ELAVL1: variants seen among roughly 807,000 people sequenced by gnomAD.
ELAVL1 encodes the protein ELAV-like protein 1.
In ELAVL1, 1 loss-of-function variant was observed where a neutral mutation model predicts 28.4. That is an observed-to-expected ratio of 0.04 (90% CI 0.01 to 0.17). The LOEUF is 0.17. Ranked by LOEUF, ELAVL1 falls within the 10% of genes least tolerant of loss-of-function variation. The probability of loss-of-function intolerance (pLI) is 1.00; values close to 1 mark genes in which losing one functional copy is unlikely to be tolerated. For missense variants in ELAVL1, 157 were observed against 447.2 expected, an observed-to-expected ratio of 0.35 and a Z score of 5.85; for synonymous variants, 174 against 183.5, an observed-to-expected ratio of 0.95 and a Z score of 0.42.
At chr19:7,977,552 G>A (rs1985335246) in intron 3 of ELAVL1, among the ~76,000 whole-genome samples, 1 of 152,186 alleles carries the variant, frequency 6.6e-6, no homozygotes, top group Non-Finnish European at 1.5e-5. Context: ...ATCCCAGCAG[G>A]GACACTGAGC....
chr19:7,980,071 T>C (rs563138214), intron 3 of ELAVL1, among the ~76,000 whole-genome samples: 1 of 152,306 alleles, frequency 6.6e-6, no homozygotes, highest in Admixed American at 6.5e-5. Context: ...AGGGAGCACC[T>C]TTCTCTGGGG....
At chr19:7,973,588 G>T in intron 4 of ELAVL1, 137 bp downstream of exon 4, 2 of 1,124,364 alleles carry the variant, frequency 1.8e-6, no homozygotes, top group Non-Finnish European at 2.5e-6. Context: ...CAAAGCCAAC[G>T]TCTTCTCATT....
At chr19:7,998,446 G>A (rs2081056567) in intron 1 of ELAVL1, among the ~76,000 whole-genome samples, 1 of 152,176 alleles carries the variant, frequency 6.6e-6, no homozygotes, top group Non-Finnish European at 1.5e-5. Context: ...GCAGGGCCAG[G>A]CCTCAAGTTG....
intron 1 of ELAVL1, among the ~76,000 whole-genome samples, chr19:7,997,265 A>G (rs1333731192): frequency 2.6e-5 from 4 of 152,232 alleles, no homozygotes; most frequent in African/African-American, 9.6e-5. Flanking sequence ...GAGCGGCATT[A>G]TTCATAATCA....
In ELAVL1 at chr19:7,991,627, C is replaced by T. The variant is rs1479953612; in HGVS notation, c.172+17G>A. The T allele has an allele frequency of 1.9e-6, 3 of 1,601,182 alleles. No individual in the cohort carries two copies. The highest frequency in any genetic ancestry group is 2.2e-5 in the South Asian group (2 of 89,712). On this transcript the variant is annotated intron_variant, in intron 2 of 5. Transcript: ENST00000407627. ...GCCACCAATACCCGGTTTACTAAAA[C>T]GCCTCCATTTCTTTACCTGCTACTT...
At chr19:7,975,808 TAA>T (rs1985265575) in intron 3 of ELAVL1, among the ~76,000 whole-genome samples, 1 of 152,210 alleles carries the variant, frequency 6.6e-6, no homozygotes, top group Non-Finnish European at 1.5e-5. Flanking sequence ...GATGTCCTTA[TAA>T]AAGAGGGAAA....
At chr19:7,967,540 A>G (rs1984989307) in intron 5 of ELAVL1, 25 bp downstream of exon 5, 1 of 1,608,322 alleles carries the variant, frequency 6.2e-7, no homozygotes, top group Non-Finnish European at 8.5e-7. Flanking sequence ...TATGGCTTTC[A>G]GGAGCGCGCA....
chr19:8,000,539 C>T (rs996742550), intron 1 of ELAVL1, among the ~76,000 whole-genome samples: 5 of 152,224 alleles, frequency 3.3e-5, no homozygotes, highest in Non-Finnish European at 7.3e-5. Flanking sequence ...TGACACTTCA[C>T]ACATCATCTG....
At chr19:7,978,089 A>G (rs1243181096) in intron 3 of ELAVL1, among the ~76,000 whole-genome samples, 1 of 152,268 alleles carries the variant, frequency 6.6e-6, no homozygotes, top group Non-Finnish European at 1.5e-5. Context: ...AATGGTGGGC[A>G]CAACTGGGCT....
intron 2 of ELAVL1, among the ~76,000 whole-genome samples, chr19:7,983,402 T>C (rs137930985): frequency 6.6e-6 from 1 of 152,254 alleles, no homozygotes; most frequent in African/African-American, 2.4e-5. Flanking sequence ...TGCACCCCCT[T>C]TGTGACACAC....
chr19:7,988,051 G>C (rs776852744), intron 2 of ELAVL1, among the ~76,000 whole-genome samples: 2 of 152,206 alleles, frequency 1.3e-5, no homozygotes, highest in Non-Finnish European at 2.9e-5. Flanking sequence ...CGACAGTGCA[G>C]GCCACCAGCA....
rs915356381 is a variant in ELAVL1 at position 7,962,838 on chromosome 19, A to C, written c.*645T>G. 2 of 152,708 alleles carry C rather than the reference A, an allele frequency of 1.3e-5. No homozygotes were observed. The highest frequency in any genetic ancestry group is 2.9e-5 in the Non-Finnish European group (2 of 68,084). 9.5% of individuals were successfully genotyped at this position (152,708 alleles called of 1,614,324 possible). A position where few individuals can be genotyped will look rare whatever the true frequency, so the allele number is the denominator to read the frequency against. ...TCCCATTGGTGCCTGGGCTTACGAA[A>C]CACGTTTGTGTCCTTCTCTGGAGGG... On this transcript the variant is annotated 3_prime_UTR_variant, in exon 6 of 6. Transcript: ENST00000407627.
chr19:8,004,888 G>A (rs2081081571), intron 1 of ELAVL1, among the ~76,000 whole-genome samples: 1 of 152,096 alleles, frequency 6.6e-6, no homozygotes, highest in East Asian at 1.9e-4. Flanking sequence ...TTTCCAACAG[G>A]CACACACACA....
intron 3 of ELAVL1, among the ~76,000 whole-genome samples, chr19:7,974,538 T>TA: frequency 6.6e-6 from 1 of 152,272 alleles, no homozygotes; most frequent in Non-Finnish European, 1.5e-5. Flanking sequence ...AGACAAGGTC[T>TA]TCGGTGCTTT....
At position 7,987,120 on chromosome 19, in the gene ELAVL1, G is replaced by GC. The variant is rs1039354658; in HGVS notation, c.172+4523_172+4524insG. 1.1e-4 allele frequency among the ~76,000 whole-genome samples: 17 copies of GC among 149,926 alleles called. 1 individual carries two copies. Among genetic ancestry groups the GC allele is most frequent in the South Asian group, 4.3e-4 (2 of 4,644 alleles). On this transcript the variant is annotated intron_variant, in intron 2 of 5. Transcript: ENST00000407627. ...TAGAGCCTGACCGGGGGGTGCCGGG[G>GC]GGGGGGGAGGGTGCAGCAAGTGGGG...
At position 7,959,036 on chromosome 19, in the gene ELAVL1, A is replaced by G. The variant is rs1984732058; in HGVS notation, c.*4447T>C. 6.5e-6 allele frequency: 1 copy of G among 152,948 alleles called. No individual in the cohort carries two copies. The highest frequency in any genetic ancestry group is 2.4e-5 in the African/African-American group (1 of 41,344). The allele number at this position is 152,948 out of a possible 1,614,324, so 9.5% of individuals were successfully genotyped here. A position where few individuals can be genotyped will look rare whatever the true frequency, so the allele number is the denominator to read the frequency against. ...TTGCTTTTTCCTCCTAAAACACTAA[A>G]GAACATTTATTCACAAGGATTAAAA... On this transcript the variant is annotated 3_prime_UTR_variant, in exon 6 of 6. Coordinates refer to ENST00000407627, the MANE Select transcript of ELAVL1 (RefSeq NM_001419.3).
rs557630165 is a variant in ELAVL1, at chr19:7,975,150, G to T, written c.277-1272C>A. On this transcript the variant is annotated intron_variant, in intron 3 of 5. Coordinates refer to ENST00000407627, the MANE Select transcript of ELAVL1 (RefSeq NM_001419.3). ...TGCTCACCCCATGATGTGGGTCAGG[G>T]GCTGCCAGTGCTGTCCCCAGAGAAA... Among the ~76,000 whole-genome samples the T allele has an allele frequency of 6.6e-5, 10 of 152,318 alleles. No individual in the cohort carries two copies. The East Asian group carries it at 1.7e-3, about 27-fold the overall frequency.
chr19:7,997,079 T>C (rs929404390), intron 1 of ELAVL1, among the ~76,000 whole-genome samples: 3 of 152,236 alleles, frequency 2.0e-5, no homozygotes, highest in African/African-American at 4.8e-5. Flanking sequence ...AGAATATTCA[T>C]GCACTGCTGG....
At position 7,988,195 on chromosome 19, in the gene ELAVL1, G is replaced by A. The variant is rs1468022899; in HGVS notation, c.172+3449C>T. Among the ~76,000 whole-genome samples the A allele has an allele frequency of 4.6e-5, 7 of 152,148 alleles. No homozygotes were observed. The South Asian group carries it at 1.0e-3, about 23-fold the overall frequency. Reference sequence around the variant, plus strand: ...CTACCAAGTGGATGGTGGTGCCATCGGCTAAGGTGGGGACAACTGGAAACG... The same window carrying A: ...CTACCAAGTGGATGGTGGTGCCATCAGCTAAGGTGGGGACAACTGGAAACG... On this transcript the variant is annotated intron_variant, in intron 2 of 5. Coordinates refer to ENST00000407627, the MANE Select transcript of ELAVL1 (RefSeq NM_001419.3).
Sources: allele counts gnomAD v4.1 joint callset (sites outside exome capture counted in the v4.1 genomes callset), GRCh38; gene constraint gnomAD v4.1.1; transcripts MANE v1.5; gene names NCBI Gene and HGNC (gene_info 2026-07-23, HGNC 2026-07-21).